ACKR2: variants seen among roughly 807,000 people sequenced by gnomAD.
ACKR2 encodes C-C chemokine receptor D6.
For missense variants in ACKR2, 457 were observed against 477.3 expected, an observed-to-expected ratio of 0.96 and a Z score of 0.40; for synonymous variants, 207 against 192.2, an observed-to-expected ratio of 1.08 and a Z score of -0.64.
intron 2 of ACKR2, chr3:42,856,398 A>T (rs943717268): frequency 1.0e-5 from 7 of 702,878 alleles, no homozygotes; most frequent in Non-Finnish European, 1.8e-5. Flanking sequence ...TAGTTCCATC[A>T]GCCATGAGAT....
At chr3:42,844,773 G>A (rs1701075349) in intron 2 of ACKR2, among the ~76,000 whole-genome samples, 1 of 152,208 alleles carries the variant, frequency 6.6e-6, no homozygotes, top group Non-Finnish European at 1.5e-5. Context: ...CATTCTACAG[G>A]ATATGGAAAC....
intron 2 of ACKR2, among the ~76,000 whole-genome samples, chr3:42,849,784 G>A (rs1701133357): frequency 6.6e-6 from 1 of 152,154 alleles, no homozygotes; most frequent in Non-Finnish European, 1.5e-5. Flanking sequence ...GTTATAGCCT[G>A]TTTATACATT....
chr3:42,859,672 C>T (rs188298425), intron 2 of ACKR2, among the ~76,000 whole-genome samples: 11 of 152,220 alleles, frequency 7.2e-5, no homozygotes, highest in Non-Finnish European at 1.2e-4. Context: ...TGAGCCGCCG[C>T]GCCTGGCCTT....
intron 2 of ACKR2, among the ~76,000 whole-genome samples, chr3:42,831,189 G>T (rs977538305): frequency 6.6e-6 from 1 of 152,130 alleles, no homozygotes; most frequent in African/African-American, 2.4e-5. Flanking sequence ...GGTGAAATCC[G>T]AGACTGCCAC....
Position 42,864,686 on chromosome 3 carries a change from A to G in ACKR2, c.184A>G (p.Ser62Gly). 1 of 1,614,168 alleles carries G rather than the reference A, an allele frequency of 6.2e-7. No homozygotes were observed. The highest frequency in any genetic ancestry group is 8.5e-7 in the Non-Finnish European group (1 of 1,180,034). ...TAGCCTGATTTTTGTGTTGGGCCTC[A>G]GCGGGAACCTCCTTCTTCTCATGGT... ...FYSLIFVLGL[S>G]GNLLLLMVLL... Residue 62 changes from serine (S) to glycine (G), a missense_variant, in exon 3 of 3, where the codon AGC becomes GGC. Physicochemically the swap from Ser to Gly is moderately conservative, Grantham distance 56. Transcript: ENST00000422265.
chr3:42,854,183 A>C (rs563383549), intron 2 of ACKR2, among the ~76,000 whole-genome samples: 4 of 152,298 alleles, frequency 2.6e-5, no homozygotes, highest in African/African-American at 9.6e-5. Context: ...ATGCTGGTGA[A>C]GGTTTGACAA....
At chr3:42,837,105 G>A (rs1351439076) in intron 2 of ACKR2, among the ~76,000 whole-genome samples, 4 of 152,146 alleles carry the variant, frequency 2.6e-5, no homozygotes, top group Non-Finnish European at 5.9e-5. Flanking sequence ...TCCAAGCCCC[G>A]AAGGCCTGAG....
Position 42,865,537 on chromosome 3 carries a change from C to T in ACKR2, c.1035C>T (p.Ser345=). 1.2e-6 allele frequency: 2 copies of T among 1,614,148 alleles called. No homozygotes were observed. Among genetic ancestry groups the T allele is most frequent in the Non-Finnish European group, 1.7e-6 (2 of 1,180,030 alleles). The part of the protein sequence containing the change: ...LAPGTAQASL[S]SCSESSILTA... ...CTGGCACTGCCCAGGCCTCATTATCCAGCTGTTCTGAGAGCAGCATACTTA... is the reference window on the plus strand; with the variant it reads ...CTGGCACTGCCCAGGCCTCATTATCTAGCTGTTCTGAGAGCAGCATACTTA... The change falls in exon 3 of 3, where the codon TCC becomes TCT. Residue 345 remains serine (S), a synonymous_variant. Transcript: ENST00000422265.
At chr3:42,824,976 A>G (rs1700847600) in intron 2 of ACKR2, among the ~76,000 whole-genome samples, 1 of 152,140 alleles carries the variant, frequency 6.6e-6, no homozygotes, top group Admixed American at 6.5e-5. Flanking sequence ...CTCTTTTTGA[A>G]TTATAGCCAT....
At chr3:42,864,366 T>G in intron 2 of ACKR2, 100 bp from the exon 3 acceptor site, 7 of 1,040,754 alleles carry the variant, frequency 6.7e-6, no homozygotes, top group African/African-American at 3.2e-5. Context: ...CAGGTACTGA[T>G]GTAGATTTGA....
chr3:42,826,474 G>A (rs1215469196), intron 2 of ACKR2, among the ~76,000 whole-genome samples: 1 of 151,978 alleles, frequency 6.6e-6, no homozygotes, highest in East Asian at 1.9e-4. Flanking sequence ...TCTTGAGAGA[G>A]TTTTGGTAGT....
At chr3:42,833,725 CA>C (rs1700956104) in intron 2 of ACKR2, among the ~76,000 whole-genome samples, 1 of 151,946 alleles carries the variant, frequency 6.6e-6, no homozygotes, top group Admixed American at 6.6e-5. Flanking sequence ...AACTGCATTA[CA>C]AAACCAGACT....
intron 1 of ACKR2, among the ~76,000 whole-genome samples, chr3:42,816,854 G>A (rs1355681391): frequency 2.6e-5 from 4 of 152,054 alleles, no homozygotes; most frequent in Non-Finnish European, 4.4e-5. Context: ...CACCATGCCT[G>A]TCTAGCACTC....
chr3:42,820,777 A>G (rs540161490), intron 2 of ACKR2, among the ~76,000 whole-genome samples: 14 of 150,944 alleles, frequency 9.3e-5, no homozygotes, highest in Non-Finnish European at 1.8e-4. Context: ...CTAGTACAAT[A>G]TAGCTGATGA....
intron 2 of ACKR2, among the ~76,000 whole-genome samples, chr3:42,853,441 A>AT (rs1190459163): frequency 1.3e-5 from 2 of 151,954 alleles, no homozygotes; most frequent in African/African-American, 4.8e-5. Flanking sequence ...TATTATTGTT[A>AT]TTTTTTTGAG....
chr3:42,848,399 G>T (rs761800349), intron 2 of ACKR2, among the ~76,000 whole-genome samples: 1 of 151,504 alleles, frequency 6.6e-6, no homozygotes, highest in Non-Finnish European at 1.5e-5. Flanking sequence ...TGTGTTTTTT[G>T]CAGAGATGAG....
chr3:42,819,857 C>T (rs1700792355), intron 2 of ACKR2, 146 bp downstream of exon 2: 1 of 152,406 alleles, frequency 6.6e-6, no homozygotes, highest in South Asian at 2.1e-4. Flanking sequence ...CCCCCTTTCT[C>T]CTCCTGCACT....
chr3:42,826,754 GT>G (rs1700869553), intron 2 of ACKR2, among the ~76,000 whole-genome samples: 1 of 151,836 alleles, frequency 6.6e-6, no homozygotes, highest in African/African-American at 2.4e-5. Context: ...TATTTATTTT[GT>G]CTTTATTTTT....
chr3:42,839,994 C>T (rs1459030272), intron 2 of ACKR2, among the ~76,000 whole-genome samples: 1 of 152,188 alleles, frequency 6.6e-6, no homozygotes, highest in Non-Finnish European at 1.5e-5. Context: ...CGCAGTGGCT[C>T]ACGCCTGTAA....
Sources: allele counts gnomAD v4.1 joint callset (sites outside exome capture counted in the v4.1 genomes callset), GRCh38; gene constraint gnomAD v4.1.1; transcripts MANE v1.5; gene names NCBI Gene and HGNC (gene_info 2026-07-23, HGNC 2026-07-21).